The following FRAS1 variants were observed in gnomAD, a reference collection of about 807,000 sequenced individuals.
The protein encoded by FRAS1 is Fraser extracellular matrix complex subunit 1.
FRAS1 carries 290 observed loss-of-function variants against 435.2 expected under a neutral mutation model. The ratio of observed to expected loss-of-function variants is 0.67; its 90% CI spans 0.61 to 0.73. The LOEUF is 0.73. Ranked by LOEUF, FRAS1 falls within the 30% of genes least tolerant of loss-of-function variation. The pLI, the probability that FRAS1 is intolerant of heterozygous loss-of-function variation, is 0.00. For missense variants in FRAS1, 4,860 were observed against 5,001.5 expected (o/e 0.97, Z 0.85); for synonymous variants, 1,800 against 1,851.0 (o/e 0.97, Z 0.71).
In FRAS1 at chr4:78,119,467, A is replaced by T. The variant is rs1056191388; in HGVS notation, c.108+53451A>T. ...TTTCTGTTCCTGGCTTATTTCATTTAACATAGTGTCCTCTAGTTCCATCTA... is the reference window on the plus strand; with the variant it reads ...TTTCTGTTCCTGGCTTATTTCATTTTACATAGTGTCCTCTAGTTCCATCTA... On this transcript the variant is annotated intron_variant, in intron 2 of 73. Transcript: ENST00000512123. Among the ~76,000 whole-genome samples, 10 of 152,188 alleles carry T rather than the reference A, an allele frequency of 6.6e-5. 1 individual carries two copies. Among genetic ancestry groups the T allele is most frequent in the Admixed American group, 1.3e-4 (2 of 15,280 alleles).
intron 27 of FRAS1, among the ~76,000 whole-genome samples, chr4:78,381,650 T>C (rs928765138): frequency 6.6e-6 from 1 of 152,212 alleles, no homozygotes; most frequent in African/African-American, 2.4e-5. Flanking sequence ...CTCTGTATAG[T>C]AGTCACTTTT....
chr4:78,448,436 A>T (rs1018361026), intron 44 of FRAS1, 120 bp downstream of exon 44: 2 of 899,262 alleles, frequency 2.2e-6, no homozygotes, highest in Non-Finnish European at 3.2e-6. Context: ...CCTGTTCCAT[A>T]CTTGGGGAGA....
At chr4:78,069,645 G>A (rs1363454926) in intron 2 of FRAS1, among the ~76,000 whole-genome samples, 1 of 152,116 alleles carries the variant, frequency 6.6e-6, no homozygotes, top group East Asian at 1.9e-4. Context: ...ACGATAATAT[G>A]GGAAAGACAC....
intron 72 of FRAS1, among the ~76,000 whole-genome samples, chr4:78,538,044 C>G (rs1486503162): frequency 1.3e-5 from 2 of 151,610 alleles, no homozygotes; most frequent in Non-Finnish European, 2.9e-5. Flanking sequence ...TTAGACAAAA[C>G]AGCATATCAC....
chr4:78,382,131 A>G (rs770768382), intron 27 of FRAS1, among the ~76,000 whole-genome samples: 9 of 152,160 alleles, frequency 5.9e-5, no homozygotes, highest in African/African-American at 9.7e-5. Context: ...TGTAGTTGCC[A>G]TCACTGGAAC....
In FRAS1 at chr4:78,420,894, ATATATATATATATATATATATATATATT is replaced by A. The variant is rs1264808752; in HGVS notation, c.4541-962_4541-935del. Among the ~76,000 whole-genome samples, 8 of 51,392 alleles carry A rather than the reference ATATATATATATATATATATATATATATT, an allele frequency of 1.6e-4. No individual in the cohort carries two copies. In the South Asian group the frequency reaches 1.7e-3, roughly 11 times the overall value. 33.7% of individuals were successfully genotyped at this position (51,392 alleles called of 152,430 possible). A position where few individuals can be genotyped will look rare whatever the true frequency, so the allele number is the denominator to read the frequency against. On this transcript the variant is annotated intron_variant, in intron 33 of 73. Coordinates refer to ENST00000512123, the MANE Select transcript of FRAS1 (RefSeq NM_025074.7). ...ACTAATAGGACATATATATATATAT[ATATATATATATATATATATATATATATT>A]TATATAAAGGGGAGTTTATTAAGTA...
At chr4:78,536,886 A>G (rs1721902418) in intron 71 of FRAS1, 109 bp from the exon 72 acceptor site, 1 of 750,220 alleles carries the variant, frequency 1.3e-6, no homozygotes, top group African/African-American at 1.8e-5. Context: ...TCTTCATAGA[A>G]AAGTGCTTTT....
At chr4:78,509,559 A>G (rs1720966553) in intron 63 of FRAS1, among the ~76,000 whole-genome samples, 1 of 152,180 alleles carries the variant, frequency 6.6e-6, no homozygotes, top group Non-Finnish European at 1.5e-5. Context: ...AAAGAATAGA[A>G]TGGTTGCTGA....
chr4:78,344,697 G>A (rs577611940), intron 20 of FRAS1, among the ~76,000 whole-genome samples: 4 of 152,156 alleles, frequency 2.6e-5, no homozygotes, highest in African/African-American at 9.6e-5. Flanking sequence ...GCACTGTTGG[G>A]AAACATTGCA....
intron 2 of FRAS1, chr4:78,070,616 T>G (rs1277261133): frequency 6.6e-6 from 1 of 152,180 alleles, no homozygotes; most frequent in Non-Finnish European, 1.5e-5. Flanking sequence ...GACTGTTAAA[T>G]CAGGAATCCA....
chr4:78,104,693 G>A (rs1416916630), intron 2 of FRAS1, among the ~76,000 whole-genome samples: 1 of 152,128 alleles, frequency 6.6e-6, no homozygotes, highest in Non-Finnish European at 1.5e-5. Context: ...CCAGGTGTTG[G>A]TGGTATGGAA....
chr4:78,408,186 A>G (rs1733179469), intron 31 of FRAS1, among the ~76,000 whole-genome samples: 1 of 151,932 alleles, frequency 6.6e-6, no homozygotes, highest in Non-Finnish European at 1.5e-5. Flanking sequence ...ACTCACTACC[A>G]TGAGAACAGT....
At chr4:78,484,400 T>C (rs192053866) in intron 58 of FRAS1, among the ~76,000 whole-genome samples, 1 of 152,346 alleles carries the variant, frequency 6.6e-6, no homozygotes, top group East Asian at 1.9e-4. Flanking sequence ...TGCAAATATT[T>C]TATCCAAGTC....
chr4:78,068,444 C>T, intron 2 of FRAS1: 1 of 450,762 alleles, frequency 2.2e-6, no homozygotes, highest in Non-Finnish European at 4.4e-6. Context: ...AGCAAGAGCT[C>T]CTATGGGCAT....
At chr4:78,330,601 G>GC (rs1206377014) in intron 18 of FRAS1, among the ~76,000 whole-genome samples, 2 of 152,126 alleles carry the variant, frequency 1.3e-5, no homozygotes, top group South Asian at 2.1e-4. Context: ...CTCTGAACTG[G>GC]CCCCCCTGGG....
At chr4:78,457,374 A>C (rs1024366291) in intron 47 of FRAS1, among the ~76,000 whole-genome samples, 2 of 152,232 alleles carry the variant, frequency 1.3e-5, no homozygotes, top group Non-Finnish European at 2.9e-5. Flanking sequence ...TCAGCCCCCA[A>C]ATCTTCTTAA....
chr4:78,357,474 A>G (rs1256798546), intron 20 of FRAS1, among the ~76,000 whole-genome samples: 3 of 152,212 alleles, frequency 2.0e-5, no homozygotes, highest in African/African-American at 7.2e-5. Flanking sequence ...AGGGGCAGGC[A>G]GGAGCAAAGG....
intron 2 of FRAS1, among the ~76,000 whole-genome samples, chr4:78,213,808 C>CAAA (rs974675279): frequency 6.6e-6 from 1 of 152,180 alleles, no homozygotes; most frequent in African/African-American, 2.4e-5. Flanking sequence ...GAAACCATTT[C>CAAA]CTCTATTGCT....
rs1321781500 is a variant in FRAS1, at chr4:78,363,982, C to A, written c.2650C>A (p.Leu884Met). ...SCSSCDTNLVLSHTGTCSTTC... is the reference protein window; with the variant it reads ...SCSSCDTNLVMSHTGTCSTTC... ...CTCCTCATGTGACACCAACCTCGTGCTGTCCCACACTGGCACCTGCAGCAC... is the reference window on the plus strand; with the variant it reads ...CTCCTCATGTGACACCAACCTCGTGATGTCCCACACTGGCACCTGCAGCAC... Residue 884 changes from leucine to methionine, a missense_variant, in exon 22 of 74, where the codon CTG becomes ATG. Leu to Met is a conservative substitution (Grantham distance 15). Transcript: ENST00000512123. The A allele has an allele frequency of 6.2e-7, 1 of 1,611,546 alleles. No individual in the cohort carries two copies. The highest frequency in any genetic ancestry group is 8.5e-7 in the Non-Finnish European group (1 of 1,178,718).
Sources: gnomAD v4.1 joint callset for allele counts (sites outside exome capture counted in the v4.1 genomes callset) on GRCh38, gnomAD v4.1.1 for gene constraint, MANE v1.5 for transcripts, NCBI Gene and HGNC (gene_info 2026-07-23, HGNC 2026-07-21) for gene names.